Variants in PRXL2A observed in about 807,000 individuals in gnomAD.
The protein encoded by PRXL2A is peroxiredoxin like 2A.
PRXL2A carries 26 observed loss-of-function variants against 25.6 expected under a neutral mutation model. That is an observed-to-expected ratio of 1.02 (90% confidence interval 0.74 to 1.41). The LOEUF (loss-of-function observed/expected upper bound fraction) is 1.41, where lower values mean the gene tolerates loss of function less well. PRXL2A is among the 40% of genes most tolerant of loss of function. The pLI is 0.00. For missense variants in PRXL2A, 246 were observed against 273.9 expected (o/e 0.90, Z 0.72); for synonymous variants, 98 against 102.9 (o/e 0.95, Z 0.29).
chr10:80,410,410 C>T (rs1844439178), intron 1 of PRXL2A, among the ~76,000 whole-genome samples: 1 of 152,244 alleles, frequency 6.6e-6, no homozygotes, highest in Non-Finnish European at 1.5e-5. Flanking sequence ...GGGGCTGAGA[C>T]AAGCCAGTGT....
chr10:80,419,944 T>A, intron 1 of PRXL2A: 1 of 984,662 alleles, frequency 1.0e-6, no homozygotes, highest in Non-Finnish European at 1.2e-6. Flanking sequence ...TGGAGGGTCG[T>A]CAAACTAAAG....
chr10:80,422,492 G>C lies in PRXL2A; in HGVS notation c.254G>C (p.Cys85Ser). 1.2e-6 allele frequency: 2 copies of C among 1,613,808 alleles called. No individual in the cohort carries two copies. The highest frequency in any genetic ancestry group is 1.1e-5 in the South Asian group (1 of 91,076). ...AVIMAVRRPG[C>S]FLCREEAADL... ...ATTATGGCCGTGCGGAGGCCAGGCT[G>C]TTTCCTCTGTCGAGAGGTGAGTGCA... Residue 85 changes from cysteine (C) to serine (S), a missense_variant, in exon 3 of 6, where the codon TGT becomes TCT. Coordinates refer to ENST00000606162, the MANE Select transcript of PRXL2A (RefSeq NM_032333.5).
At position 80,433,353 on chromosome 10, in the gene PRXL2A, A is replaced by C. The variant is rs1845326856; in HGVS notation, c.*1254A>C. ...TCGTGTAAGTTTGAGTGACATCATC[A>C]AGACCTACCAGGGAGCTCGGCCACA... On this transcript the variant is annotated 3_prime_UTR_variant, in exon 6 of 6. Coordinates refer to ENST00000606162, the MANE Select transcript of PRXL2A (RefSeq NM_032333.5). The C allele has an allele frequency of 6.6e-6, 1 of 152,358 alleles. No homozygotes were observed. Among genetic ancestry groups the C allele is most frequent in the South Asian group, 2.1e-4 (1 of 4,832 alleles). The allele number at this position is 152,358 out of a possible 1,614,324, so 9.4% of individuals were successfully genotyped here.
chr10:80,424,013 C>T (rs949164506), intron 3 of PRXL2A, among the ~76,000 whole-genome samples: 1 of 152,098 alleles, frequency 6.6e-6, no homozygotes, highest in African/African-American at 2.4e-5. Flanking sequence ...GCATGGAAGC[C>T]TGTTTTGACT....
intron 3 of PRXL2A, among the ~76,000 whole-genome samples, chr10:80,425,553 AG>A (rs1845012519): frequency 6.6e-6 from 1 of 152,176 alleles, no homozygotes; most frequent in Non-Finnish European, 1.5e-5. Context: ...TCCAGAGGGT[AG>A]GGTTGAGCTG....
At chr10:80,429,994 C>T (rs1589215784) in intron 5 of PRXL2A, among the ~76,000 whole-genome samples, 2 of 151,368 alleles carry the variant, frequency 1.3e-5, no homozygotes, top group South Asian at 4.2e-4. Flanking sequence ...TTCTCCTAGG[C>T]GGAAGGTTAA....
At chr10:80,410,234 C>T (rs1462857671) in intron 1 of PRXL2A, among the ~76,000 whole-genome samples, 1 of 152,258 alleles carries the variant, frequency 6.6e-6, no homozygotes, top group Non-Finnish European at 1.5e-5. Flanking sequence ...GTGGCAAGAA[C>T]CATCCTGAGG....
rs111239375 is a variant in PRXL2A at position 80,434,698 on chromosome 10, C to T, written c.*2599C>T. On this transcript the variant is annotated 3_prime_UTR_variant, in exon 6 of 6. Coordinates refer to ENST00000606162, the MANE Select transcript of PRXL2A (RefSeq NM_032333.5). Reference sequence around the variant, plus strand: ...GGTAAGGAGATTGGTCAATGTGATTCGGCTATCTGTGTCTACTAACTCTCA... The same window carrying T: ...GGTAAGGAGATTGGTCAATGTGATTTGGCTATCTGTGTCTACTAACTCTCA... 2.1e-4 allele frequency: 32 copies of T among 152,192 alleles called. No individual in the cohort carries two copies. Among genetic ancestry groups the T allele is most frequent in the African/African-American group, 6.5e-4 (27 of 41,522 alleles). 9.4% of individuals were successfully genotyped at this position (152,192 alleles called of 1,614,324 possible). A position where few individuals can be genotyped will look rare whatever the true frequency, so the allele number is the denominator to read the frequency against.
At position 80,425,908 on chromosome 10, in the gene PRXL2A, C is replaced by T. The variant is rs776477369; in HGVS notation, c.313C>T (p.Leu105=). 2.5e-6 allele frequency: 4 copies of T among 1,614,258 alleles called. No homozygotes were observed. In the South Asian group the frequency reaches 4.4e-5, roughly 18 times the overall value. The change falls in exon 4 of 6, where the codon CTG becomes TTG. Residue 105 remains leucine (L), a synonymous_variant. Transcript: ENST00000606162. ...LSSLKSMLDQ[L]GVPLYAVVKE... is the part of the protein sequence containing the mutation. ...CTCCCTGAAAAGCATGTTGGACCAGCTGGGCGTCCCCCTCTATGCAGTGGT... is the reference window on the plus strand; with the variant it reads ...CTCCCTGAAAAGCATGTTGGACCAGTTGGGCGTCCCCCTCTATGCAGTGGT...
At chr10:80,426,711 A>G (rs1845053525) in intron 4 of PRXL2A, among the ~76,000 whole-genome samples, 2 of 152,204 alleles carry the variant, frequency 1.3e-5, no homozygotes, top group Non-Finnish European at 1.5e-5. Flanking sequence ...AGAAGGTAGC[A>G]CTGTTACCAT....
In PRXL2A at chr10:80,423,061, T is replaced by C. The variant is rs114174044; in HGVS notation, c.270+553T>C. ...TGCTGTGTGCTCTCAGCATTGAATC[T>C]GTAGCTCAGTGGGATTTCAGTCATG... On this transcript the variant is annotated intron_variant, in intron 3 of 5. Transcript: ENST00000606162. 7.8e-3 allele frequency among the ~76,000 whole-genome samples: 1,190 copies of C among 152,332 alleles called. 21 individuals are homozygous for C. The highest frequency in any genetic ancestry group is 0.027 in the African/African-American group (1,121 of 41,566).
chr10:80,418,954 C>T (rs767517253), intron 1 of PRXL2A, among the ~76,000 whole-genome samples: 3 of 152,176 alleles, frequency 2.0e-5, no homozygotes, highest in Non-Finnish European at 4.4e-5. Context: ...CCAGCCTCCT[C>T]TGCAGATGCC....
intron 3 of PRXL2A, among the ~76,000 whole-genome samples, chr10:80,423,194 G>T (rs1844927688): frequency 6.6e-6 from 1 of 152,230 alleles, no homozygotes; most frequent in Admixed American, 6.5e-5. Context: ...GTAGGTGATG[G>T]AGCTTATCAG....
intron 1 of PRXL2A, chr10:80,420,119 A>G: frequency 1.0e-6 from 1 of 997,302 alleles, no homozygotes; most frequent in South Asian, 4.6e-5. Flanking sequence ...GTCTGCCTAC[A>G]GGGGACATAG....
intron 3 of PRXL2A, among the ~76,000 whole-genome samples, chr10:80,423,902 AT>A (rs1475008697): frequency 6.6e-6 from 1 of 152,124 alleles, no homozygotes. Flanking sequence ...GGGAGAATCC[AT>A]TTCTTTTGCC....
In PRXL2A at chr10:80,427,347, C is replaced by T. The variant is rs985372218; in HGVS notation, c.427C>T (p.Pro143Ser). 6.2e-7 allele frequency: 1 copy of T among 1,613,796 alleles called. No homozygotes were observed. The highest frequency in any genetic ancestry group is 8.5e-7 in the Non-Finnish European group (1 of 1,179,958). The stretch of plus-strand genomic sequence containing the variant: ...CACTCCATAGAAAAAGTTCTATGGT[C>T]CACAAAGGCGGAAGATGATGTTTAT... ...FLDEKKKFYG[P>S]QRRKMMFMGF... is the part of the protein sequence containing the mutation. The change falls in exon 5 of 6, where the codon CCA becomes TCA. Residue 143 changes from proline to serine, a missense_variant. Transcript: ENST00000606162.
Position 80,432,005 on chromosome 10 carries a change from G to T in PRXL2A, c.596G>T (p.Arg199Leu). The T allele has an allele frequency of 6.2e-7, 1 of 1,610,840 alleles. No homozygotes were observed. ...TTTTAGGGCATTCTTCTTGAGCACC[G>T]AGAAAAAGAATTTGGAGACAAAGTA... ...SGKQGILLEH[R>L]EKEFGDKVNL... Residue 199 changes from arginine to leucine, a missense_variant, in exon 6 of 6, where the codon CGA (arginine) becomes CTA (leucine). Transcript: ENST00000606162.
At chr10:80,427,088 A>G (rs1845064564) in intron 4 of PRXL2A, among the ~76,000 whole-genome samples, 1 of 150,852 alleles carries the variant, frequency 6.6e-6, no homozygotes, top group African/African-American at 2.4e-5. Flanking sequence ...GATTGTAGTC[A>G]GCTGAGATCG....
intron 3 of PRXL2A, among the ~76,000 whole-genome samples, chr10:80,425,174 A>C (rs1845000533): frequency 6.6e-6 from 1 of 152,342 alleles, no homozygotes; most frequent in South Asian, 2.1e-4. Context: ...CTTAATGTTG[A>C]AGCTTTACCA....
Sources: gnomAD v4.1 joint callset for allele counts (sites outside exome capture counted in the v4.1 genomes callset) on GRCh38, gnomAD v4.1.1 for gene constraint, MANE v1.5 for transcripts, NCBI Gene and HGNC (gene_info 2026-07-23, HGNC 2026-07-21) for gene names.